SPOCK1: variants seen among roughly 807,000 people sequenced by gnomAD.
SPOCK1 encodes the protein testican-1.
Under a neutral mutation model 55.3 loss-of-function variants are expected in SPOCK1, and 23 were observed. The ratio of observed to expected loss-of-function variants is 0.42; its 90% confidence interval spans 0.30 to 0.59. The LOEUF is 0.59. Ranked by LOEUF, SPOCK1 falls within the 20% of genes least tolerant of loss-of-function variation. SPOCK1 has a pLI of 0.22. For synonymous variants in SPOCK1, 226 were observed against 221.0 expected (o/e 1.02, Z -0.20); for missense variants, 499 against 552.5 (o/e 0.90, Z 0.97).
intron 3 of SPOCK1, among the ~76,000 whole-genome samples, chr5:137,198,584 C>A (rs1361327842): frequency 6.6e-6 from 1 of 152,154 alleles, no homozygotes; most frequent in African/African-American, 2.4e-5. Flanking sequence ...AATTGTTTAT[C>A]TACAGTCTAC....
intron 2 of SPOCK1, among the ~76,000 whole-genome samples, chr5:137,494,409 G>T (rs1225531683): frequency 2.0e-5 from 3 of 152,158 alleles, no homozygotes; most frequent in African/African-American, 7.2e-5. Context: ...AGATGGCATA[G>T]TTCCAGCCCC....
chr5:137,232,909 T>A (rs1323447775), intron 3 of SPOCK1, among the ~76,000 whole-genome samples: 4 of 152,228 alleles, frequency 2.6e-5, no homozygotes, highest in Non-Finnish European at 4.4e-5. Context: ...ATTTGTCAGT[T>A]GAAATAGATG....
intron 3 of SPOCK1, among the ~76,000 whole-genome samples, chr5:137,150,063 G>A (rs929623702): frequency 3.9e-5 from 6 of 152,106 alleles, no homozygotes; most frequent in African/African-American, 1.4e-4. Flanking sequence ...CTAAAATACA[G>A]AAAATGGATG....
intron 2 of SPOCK1, among the ~76,000 whole-genome samples, chr5:137,437,623 G>T (rs1368621213): frequency 6.6e-6 from 1 of 152,020 alleles, no homozygotes. Flanking sequence ...TATAATAAAT[G>T]TACAAAGCTA....
At chr5:137,357,677 C>T (rs997051683) in intron 2 of SPOCK1, among the ~76,000 whole-genome samples, 1 of 152,160 alleles carries the variant, frequency 6.6e-6, no homozygotes, top group Non-Finnish European at 1.5e-5. Context: ...TGCAACCCAG[C>T]TTGTACTGCT....
intron 4 of SPOCK1, among the ~76,000 whole-genome samples, chr5:137,133,961 G>T (rs528957154): frequency 2.0e-5 from 3 of 150,862 alleles, no homozygotes; most frequent in East Asian, 4.0e-4. Context: ...CTGGGGGTGG[G>T]GGGGGTAGCG....
At chr5:137,415,960 C>T (rs1052092401) in intron 2 of SPOCK1, among the ~76,000 whole-genome samples, 1 of 151,916 alleles carries the variant, frequency 6.6e-6, no homozygotes, top group African/African-American at 2.4e-5. Context: ...TCTCAATGAA[C>T]CTCAGTCACA....
chr5:137,053,727 A>G (rs902322771), intron 6 of SPOCK1, among the ~76,000 whole-genome samples: 1 of 151,910 alleles, frequency 6.6e-6, no homozygotes, highest in Non-Finnish European at 1.5e-5. Context: ...AGCTCCACTC[A>G]CACCTCTGCA....
At chr5:137,464,719 A>C (rs998646583) in intron 2 of SPOCK1, among the ~76,000 whole-genome samples, 1 of 152,162 alleles carries the variant, frequency 6.6e-6, no homozygotes, top group Non-Finnish European at 1.5e-5. Context: ...TCAGGTCTGC[A>C]CATGCTGACT....
At chr5:137,109,076 G>T (rs1179465499) in intron 5 of SPOCK1, among the ~76,000 whole-genome samples, 2 of 152,218 alleles carry the variant, frequency 1.3e-5, no homozygotes, top group African/African-American at 4.8e-5. Context: ...ATGAGTGGCA[G>T]AGGTGAGTGA....
At chr5:137,256,403 C>A (rs1271723742) in intron 3 of SPOCK1, among the ~76,000 whole-genome samples, 1 of 152,146 alleles carries the variant, frequency 6.6e-6, no homozygotes, top group Non-Finnish European at 1.5e-5. Context: ...GTTCTGGAGT[C>A]TGAGAAGTCC....
rs1437411050 is a variant in SPOCK1, at chr5:137,450,018, A to C, written c.186+48355T>G. 3.9e-5 allele frequency among the ~76,000 whole-genome samples: 6 copies of C among 152,092 alleles called. No homozygotes were observed. In the East Asian group the frequency reaches 9.6e-4, roughly 24 times the overall value. On this transcript the variant is annotated intron_variant, in intron 2 of 10. Coordinates refer to ENST00000394945, the MANE Select transcript of SPOCK1 (RefSeq NM_004598.4). ...AACAAGGTGGCATTCATAAAAAAAA[A>C]CTCTATAGAAGAGTGTGTCCAAACA...
chr5:137,441,209 C>A (rs1198179688), intron 2 of SPOCK1, among the ~76,000 whole-genome samples: 1 of 152,184 alleles, frequency 6.6e-6, no homozygotes, highest in Admixed American at 6.5e-5. Flanking sequence ...TTATAAACTT[C>A]TTTTCCAATT....
chr5:137,384,576 A>ATG (rs1554078735), intron 2 of SPOCK1, among the ~76,000 whole-genome samples: 9 of 140,226 alleles, frequency 6.4e-5, no homozygotes, highest in African/African-American at 2.5e-4. Context: ...ATATATATAT[A>ATG]TATGTATGTA....
chr5:136,984,996 G>A, intron 9 of SPOCK1, 144 bp downstream of exon 9: 2 of 822,208 alleles, frequency 2.4e-6, no homozygotes, highest in Non-Finnish European at 4.1e-6. Context: ...CAGCTGCCTG[G>A]AAGAGCTCTG....
At chr5:137,347,945 T>C (rs370816227) in intron 2 of SPOCK1, among the ~76,000 whole-genome samples, 19 of 152,290 alleles carry the variant, frequency 1.2e-4, no homozygotes, top group African/African-American at 4.6e-4. Context: ...CACCTGGCCA[T>C]CTTGTTAAAA....
chr5:137,474,250 A>G (rs960190252), intron 2 of SPOCK1, among the ~76,000 whole-genome samples: 3 of 152,150 alleles, frequency 2.0e-5, no homozygotes, highest in African/African-American at 7.2e-5. Context: ...AAAAAAAAAG[A>G]AAATTTGAAC....
At chr5:137,115,564 T>C (rs2127034591) in intron 4 of SPOCK1, among the ~76,000 whole-genome samples, 1 of 152,314 alleles carries the variant, frequency 6.6e-6, no homozygotes, top group East Asian at 1.9e-4. Flanking sequence ...ATCAGGTGGT[T>C]ATGAATTATG....
At chr5:137,083,330 G>A (rs183631537) in intron 5 of SPOCK1, among the ~76,000 whole-genome samples, 17 of 152,232 alleles carry the variant, frequency 1.1e-4, no homozygotes, top group East Asian at 1.9e-4. Context: ...GCAGAGTGGC[G>A]GAAGCAGAGG....
Sources: allele counts gnomAD v4.1 joint callset (sites outside exome capture counted in the v4.1 genomes callset), GRCh38; gene constraint gnomAD v4.1.1; transcripts MANE v1.5; gene names NCBI Gene and HGNC (gene_info 2026-07-23, HGNC 2026-07-21).